ADGRG6: variants seen among roughly 807,000 people sequenced by gnomAD.
ADGRG6 encodes the protein G-protein coupled receptor 126.
A neutral mutation model predicts 142.4 loss-of-function variants in ADGRG6; 84 were observed. The ratio of observed to expected loss-of-function variants is 0.59; its 90% CI spans 0.49 to 0.71. The LOEUF is 0.71. Among genes scored for constraint, ADGRG6 ranks in the 30% least tolerant of loss-of-function variants. The pLI is 0.00. For synonymous variants in ADGRG6, 521 were observed against 520.5 expected (o/e 1.00, Z -0.01); for missense variants, 1,367 against 1,466.6 (o/e 0.93, Z 1.11).
rs141434533 is a variant in ADGRG6 at position 142,410,861 on chromosome 6, C to G, written c.2435-444C>G. Among the ~76,000 whole-genome samples, 294 of 152,146 alleles carry G rather than the reference C, an allele frequency of 1.9e-3. 4 individuals are homozygous for G. Among genetic ancestry groups the G allele is most frequent in the African/African-American group, 6.7e-3 (278 of 41,548 alleles). On this transcript the variant is annotated intron_variant, in intron 17 of 24. Coordinates refer to ENST00000367609, the MANE Select transcript of ADGRG6 (RefSeq NM_198569.3). ...TCAAGCCATTTACAATCAGTTACTACCATTCATGATTTTTGTATACATAAA... is the reference window on the plus strand; with the variant it reads ...TCAAGCCATTTACAATCAGTTACTAGCATTCATGATTTTTGTATACATAAA...
chr6:142,406,864 G>A (rs1407882766), intron 15 of ADGRG6, among the ~76,000 whole-genome samples: 1 of 152,112 alleles, frequency 6.6e-6, no homozygotes, highest in Non-Finnish European at 1.5e-5. Flanking sequence ...TAAAAATGCA[G>A]CAAAACATGT....
intron 3 of ADGRG6, among the ~76,000 whole-genome samples, chr6:142,369,121 A>C (rs2114859614): frequency 6.6e-6 from 1 of 152,324 alleles, no homozygotes; most frequent in East Asian, 1.9e-4. Context: ...ATATTAAAAT[A>C]TATTCAAACT....
intron 3 of ADGRG6, 50 bp downstream of exon 3, chr6:142,367,960 C>G (rs544100145): frequency 2.0e-6 from 2 of 991,536 alleles, no homozygotes; most frequent in South Asian, 2.9e-5. Context: ...TTAACATGTT[C>G]TGCAGTAAAC....
intron 18 of ADGRG6, among the ~76,000 whole-genome samples, chr6:142,412,670 A>G (rs1047120244): frequency 1.8e-4 from 27 of 152,136 alleles, no homozygotes; most frequent in Admixed American, 9.2e-4. Flanking sequence ...ACAATTAACT[A>G]TTGCATGTTT....
intron 2 of ADGRG6, among the ~76,000 whole-genome samples, chr6:142,350,643 CAG>C (rs1255737097): frequency 6.6e-6 from 1 of 152,126 alleles, no homozygotes; most frequent in Non-Finnish European, 1.5e-5. Context: ...TAGAGTGAGA[CAG>C]AGATATTATA....
chr6:142,405,810 C>A lies in ADGRG6; in HGVS notation c.2250C>A (p.Asn750Lys). Reference protein sequence around the residue: ...LVRRAQFTFFNKTGLFQDVGP... With the variant: ...LVRRAQFTFFKKTGLFQDVGP... The stretch of plus-strand genomic sequence containing the variant: ...GAAGAGCACAGTTTACTTTCTTCAA[C>A]AAAACTGGACTTTTCCAGGTAAGCA... Residue 750 changes from asparagine to lysine, a missense_variant, in exon 15 of 25, where the codon AAC becomes AAA. Asn to Lys is a moderately conservative substitution (Grantham distance 94). Transcript: ENST00000367609. 1 of 1,599,718 alleles carries A rather than the reference C, an allele frequency of 6.3e-7. No individual in the cohort carries two copies. Among genetic ancestry groups the A allele is most frequent in the Non-Finnish European group, 8.5e-7 (1 of 1,173,600 alleles).
chr6:142,415,564 T>A (rs1204355586), intron 19 of ADGRG6, among the ~76,000 whole-genome samples: 1 of 152,210 alleles, frequency 6.6e-6, no homozygotes, highest in Non-Finnish European at 1.5e-5. Context: ...AACTGGGAAT[T>A]GTATAAACAA....
At chr6:142,331,848 C>T (rs1779080027) in intron 2 of ADGRG6, among the ~76,000 whole-genome samples, 1 of 152,018 alleles carries the variant, frequency 6.6e-6, no homozygotes, top group African/African-American at 2.4e-5. Context: ...TGGAATTTGG[C>T]ATGTTTTCAT....
At position 142,415,830 on chromosome 6, in the gene ADGRG6, A is replaced by G. The variant is rs1776322911; in HGVS notation, c.2704A>G (p.Met902Val). The G allele has an allele frequency of 6.2e-7, 1 of 1,612,706 alleles. No individual in the cohort carries two copies. The highest frequency in any genetic ancestry group is 8.5e-7 in the Non-Finnish European group (1 of 1,179,022). ...LRRDYPSKIL[M>V]NLSTALLFLN... ...AAGGGATTATCCCTCCAAAATCTTG[A>G]TGAACCTGAGCACAGCCCTGCTGTT... is the stretch of plus-strand genomic sequence containing the variant. The change falls in exon 20 of 25, where the codon ATG (methionine) becomes GTG (valine). Residue 902 changes from methionine (M) to valine (V), a missense_variant. Met to Val is a conservative substitution (Grantham distance 21). Transcript: ENST00000367609.
At chr6:142,398,677 G>A (rs1252458517) in intron 10 of ADGRG6, among the ~76,000 whole-genome samples, 1 of 151,908 alleles carries the variant, frequency 6.6e-6, no homozygotes, top group African/African-American at 2.4e-5. Flanking sequence ...ACTCCCACCG[G>A]CAACCTCATT....
chr6:142,402,710 A>G lies in ADGRG6; in HGVS notation c.1835A>G (p.Gln612Arg). 1.2e-6 allele frequency: 2 copies of G among 1,604,800 alleles called. No homozygotes were observed. Among genetic ancestry groups the G allele is most frequent in the Admixed American group, 1.7e-5 (1 of 59,912 alleles). ...GCCAATATTACCAACATTGTGGAACAGGTCAAAAGAATTGTGAATAAAGAA... is the reference window on the plus strand; with the variant it reads ...GCCAATATTACCAACATTGTGGAACGGGTCAAAAGAATTGTGAATAAAGAA... ...TSANITNIVE[Q>R]VKRIVNKEEN... The change falls in exon 13 of 25, where the codon CAG becomes CGG. Residue 612 changes from glutamine (Q) to arginine (R), a missense_variant. Transcript: ENST00000367609.
intron 24 of ADGRG6, chr6:142,440,972 T>G: frequency 7.2e-7 from 1 of 1,394,538 alleles, no homozygotes; most frequent in Non-Finnish European, 9.7e-7. Context: ...TCGTTACTTT[T>G]TTGAATGCAT....
Position 142,419,878 on chromosome 6 carries a change from C to A in ADGRG6, c.3093C>A (p.Val1031=), listed in dbSNP as rs534966460. 16 of 1,612,650 alleles carry A rather than the reference C, an allele frequency of 9.9e-6. No homozygotes were observed. The African/African-American group carries it at 2.0e-4, about 20-fold the overall frequency. The change falls in exon 22 of 25, where the codon GTC becomes GTA. Residue 1031 remains valine, a synonymous_variant. Coordinates refer to ENST00000367609, the MANE Select transcript of ADGRG6 (RefSeq NM_198569.3). ...FYVTCAGYFG[V]MFFLNIAMFI... ...TGACCTGTGCTGGGTATTTTGGAGT[C>A]ATGTTTTTTCTGAACATTGCCATGT...
intron 6 of ADGRG6, among the ~76,000 whole-genome samples, chr6:142,385,331 A>G (rs1187514624): frequency 6.6e-6 from 1 of 152,234 alleles, no homozygotes; most frequent in African/African-American, 2.4e-5. Flanking sequence ...TAATGAAAAA[A>G]ATCTAATTCA....
chr6:142,335,379 A>G (rs1176546680), intron 2 of ADGRG6, among the ~76,000 whole-genome samples: 1 of 152,216 alleles, frequency 6.6e-6, no homozygotes, highest in Non-Finnish European at 1.5e-5. Context: ...AAGTTAGGTG[A>G]GAAAATCGAA....
At chr6:142,302,939 G>T (rs1777301432) in intron 1 of ADGRG6, among the ~76,000 whole-genome samples, 1 of 152,162 alleles carries the variant, frequency 6.6e-6, no homozygotes, top group African/African-American at 2.4e-5. Context: ...ACTTATGGGG[G>T]GCGTGGGGAA....
chr6:142,338,713 T>C (rs1283002516), intron 2 of ADGRG6, among the ~76,000 whole-genome samples: 1 of 152,114 alleles, frequency 6.6e-6, no homozygotes, highest in Non-Finnish European at 1.5e-5. Context: ...CATCATTTGA[T>C]TTATAATTTT....
At chr6:142,304,727 G>A (rs1391046847) in intron 1 of ADGRG6, among the ~76,000 whole-genome samples, 4 of 152,110 alleles carry the variant, frequency 2.6e-5, no homozygotes, top group African/African-American at 4.8e-5. Context: ...AGTCTATTTA[G>A]AATTTAGACT....
Position 142,445,490 on chromosome 6 carries a change from T to C in ADGRG6, c.*1975T>C, listed in dbSNP as rs1325153973. The C allele has an allele frequency of 6.6e-6, 1 of 152,196 alleles. No homozygotes were observed. The highest frequency in any genetic ancestry group is 1.5e-5 in the Non-Finnish European group (1 of 68,030). The allele number at this position is 152,196 out of a possible 1,614,324, so 9.4% of individuals were successfully genotyped here. On this transcript the variant is annotated 3_prime_UTR_variant, in exon 25 of 25. Coordinates refer to ENST00000367609, the MANE Select transcript of ADGRG6 (RefSeq NM_198569.3). The stretch of plus-strand genomic sequence containing the variant: ...TAGTCAGATTTCTGCCCAAAGTGCT[T>C]AGTCAATAGTAATTAAGATATAGCT...
Sources: allele counts gnomAD v4.1 joint callset (sites outside exome capture counted in the v4.1 genomes callset), GRCh38; gene constraint gnomAD v4.1.1; transcripts MANE v1.5; gene names NCBI Gene and HGNC (gene_info 2026-07-23, HGNC 2026-07-21).